SULT1E1: variants seen among roughly 807,000 people sequenced by gnomAD.
SULT1E1 encodes sulfotransferase family 1E member 1, also known as sulfotransferase 1E1.
Under a neutral mutation model 33.6 loss-of-function variants are expected in SULT1E1, and 36 were observed. The observed-to-expected ratio is 1.07, with a 90% CI of 0.82 to 1.41. The LOEUF is 1.41. SULT1E1 is among the 40% of genes most tolerant of loss of function. The probability of loss-of-function intolerance (pLI) is 0.00; values close to 1 mark genes in which losing one functional copy is unlikely to be tolerated. For missense variants in SULT1E1, 371 were observed against 345.7 expected, an observed-to-expected ratio of 1.07 and a Z score of -0.58; for synonymous variants, 121 against 111.7, an observed-to-expected ratio of 1.08 and a Z score of -0.53.
intron 6 of SULT1E1, among the ~76,000 whole-genome samples, chr4:69,846,332 A>C (rs1248206986): frequency 2.0e-5 from 3 of 149,092 alleles, no homozygotes; most frequent in African/African-American, 7.3e-5. Flanking sequence ...AGAAAAGAAA[A>C]GGAAAAAAAC....
At chr4:69,832,388 T>C in the SULT1E1 span, among the ~76,000 whole-genome samples, 1 of 152,220 alleles carries the variant, frequency 6.6e-6, no homozygotes, top group Non-Finnish European at 1.5e-5. Context: ...TGCAGAAAAA[T>C]CAGGAGGGCA....
Position 69,842,044 on chromosome 4 carries a change from A to G in SULT1E1, c.835T>C (p.Tyr279His), listed in dbSNP as rs757040136. 4 of 1,610,056 alleles carry G rather than the reference A, an allele frequency of 2.5e-6. No homozygotes were observed. The highest frequency in any genetic ancestry group is 3.4e-6 in the Non-Finnish European group (4 of 1,178,596). ...GTAGATTCCTTCATTTGCTGCTCAT[A>G]ATGTTTATCAAATTTTTCATTCAGG... The part of the protein sequence containing the change: ...VALNEKFDKH[Y>H]EQQMKESTLK... The change falls in exon 8 of 8, where the codon TAT (tyrosine) becomes CAT (histidine). Residue 279 changes from tyrosine to histidine, a missense_variant. Physicochemically the swap from Tyr to His is moderately conservative, Grantham distance 83. Coordinates refer to ENST00000226444, the MANE Select transcript of SULT1E1 (RefSeq NM_005420.3).
chr4:69,834,849 GCTGTTT>G, the SULT1E1 span, among the ~76,000 whole-genome samples: 9 of 152,004 alleles, frequency 5.9e-5, no homozygotes, highest in East Asian at 1.7e-3. Flanking sequence ...AGGGAAAATC[GCTGTTT>G]CTATTTCCTC....
At chr4:69,828,232 G>A in the SULT1E1 span, among the ~76,000 whole-genome samples, 44 of 152,266 alleles carry the variant, frequency 2.9e-4, no homozygotes, top group African/African-American at 1.0e-3. Flanking sequence ...AGCCAGCAGC[G>A]GCAACCCACT....
At chr4:69,849,302 C>A (rs189099422) in intron 5 of SULT1E1, 135 bp downstream of exon 5, 1 of 1,035,722 alleles carries the variant, frequency 9.7e-7, no homozygotes, top group Non-Finnish European at 1.4e-6. Context: ...AACCTCCAGG[C>A]GCCTTTAGAT....
intron 6 of SULT1E1, among the ~76,000 whole-genome samples, chr4:69,847,234 C>A (rs1351380727): frequency 4.0e-5 from 6 of 151,110 alleles, no homozygotes; most frequent in Non-Finnish European, 7.4e-5. Context: ...CAAATCTGCT[C>A]TGTCAATTTT....
the SULT1E1 span, among the ~76,000 whole-genome samples, chr4:69,827,832 G>T: frequency 6.6e-6 from 1 of 152,182 alleles, no homozygotes; most frequent in African/African-American, 2.4e-5. Context: ...AATGGAGCAG[G>T]CCAATTACCC....
chr4:69,824,707 CACTAATCAGCACTCTGTAAAATGG>C, the SULT1E1 span, among the ~76,000 whole-genome samples: 8 of 150,832 alleles, frequency 5.3e-5, no homozygotes, highest in East Asian at 1.9e-4. Flanking sequence ...CTGTAAAGCA[CACTAATCAGCACTCTGTAAAATGG>C]ACTAATCAGC....
downstream of SULT1E1, among the ~76,000 whole-genome samples, chr4:69,840,173 C>G (rs1027661082): frequency 1.3e-5 from 2 of 152,028 alleles, no homozygotes; most frequent in South Asian, 2.1e-4. Flanking sequence ...TTCCAAGACT[C>G]TCCAATTTTT....
chr4:69,827,465 A>T, the SULT1E1 span, among the ~76,000 whole-genome samples: 2 of 152,148 alleles, frequency 1.3e-5, no homozygotes, highest in Non-Finnish European at 2.9e-5. Flanking sequence ...AGCCCATGAA[A>T]TATTCAATGA....
chr4:69,846,966 T>C (rs2110067519), intron 6 of SULT1E1, among the ~76,000 whole-genome samples: 1 of 151,896 alleles, frequency 6.6e-6, no homozygotes, highest in African/African-American at 2.4e-5. Flanking sequence ...TTTGAGTTGA[T>C]ATATGTGAGA....
intron 7 of SULT1E1, among the ~76,000 whole-genome samples, chr4:69,842,919 C>T (rs892344248): frequency 1.1e-4 from 16 of 151,850 alleles, no homozygotes; most frequent in African/African-American, 3.9e-4. Flanking sequence ...TCACTGCAAG[C>T]TCCACCTCCC....
At chr4:69,858,781 A>G (rs1349792406) in intron 1 of SULT1E1, among the ~76,000 whole-genome samples, 1 of 152,142 alleles carries the variant, frequency 6.6e-6, no homozygotes, top group Non-Finnish European at 1.5e-5. Context: ...GTCTCAGAAA[A>G]TAGATCTTTC....
chr4:69,849,255 T>C (rs1472956459), intron 5 of SULT1E1, 182 bp downstream of exon 5: 1 of 464,646 alleles, frequency 2.2e-6, no homozygotes, highest in Non-Finnish European at 3.7e-6. Flanking sequence ...GATTCTGCAA[T>C]TTGCCTTCTA....
At chr4:69,857,760 G>T in intron 1 of SULT1E1, 107 bp from the exon 2 acceptor site, 3 of 1,037,002 alleles carry the variant, frequency 2.9e-6, no homozygotes, top group Admixed American at 3.0e-5. Flanking sequence ...CTTCTTAGTT[G>T]TTGCACATAT....
In SULT1E1 at chr4:69,841,980, A is replaced by T; in HGVS notation, c.*14T>A. On this transcript the variant is annotated 3_prime_UTR_variant, in exon 8 of 8. Transcript: ENST00000226444. ...ATCTTTAATATCAGATATGTTAAGT[A>T]AAGAAAGACCTTCTTAGATCTCAGT... 7.0e-7 allele frequency: 1 copy of T among 1,421,246 alleles called. No individual in the cohort carries two copies. The highest frequency in any genetic ancestry group is 9.8e-7 in the Non-Finnish European group (1 of 1,020,244). 88.0% of individuals were successfully genotyped at this position (1,421,246 alleles called of 1,614,324 possible).
At chr4:69,845,960 A>G (rs917727528) in intron 6 of SULT1E1, among the ~76,000 whole-genome samples, 1 of 150,848 alleles carries the variant, frequency 6.6e-6, no homozygotes, top group African/African-American at 2.4e-5. Flanking sequence ...TTTTATTTTA[A>G]ATAAATGCTC....
At chr4:69,853,478 T>A (rs1334598462) in intron 4 of SULT1E1, among the ~76,000 whole-genome samples, 1 of 152,158 alleles carries the variant, frequency 6.6e-6, no homozygotes, top group African/African-American at 2.4e-5. Flanking sequence ...GCTGAACTGA[T>A]TTTAGATGCC....
intron 5 of SULT1E1, among the ~76,000 whole-genome samples, chr4:69,848,362 C>T (rs1431294023): frequency 6.6e-6 from 1 of 151,738 alleles, no homozygotes; most frequent in African/African-American, 2.4e-5. Flanking sequence ...TAACCAAATG[C>T]TGTCTCTTCC....
Sources: gnomAD v4.1 joint callset for allele counts (sites outside exome capture counted in the v4.1 genomes callset) on GRCh38, gnomAD v4.1.1 for gene constraint, MANE v1.5 for transcripts, NCBI Gene and HGNC (gene_info 2026-07-23, HGNC 2026-07-21) for gene names.